The following RNF217 variants were observed in gnomAD, a reference collection of about 807,000 sequenced individuals.
The protein encoded by RNF217 is ring finger protein 217.
A neutral mutation model predicts 57.8 loss-of-function variants in RNF217; 31 were observed. That is an observed-to-expected ratio of 0.54 (90% CI 0.40 to 0.72). The LOEUF (loss-of-function observed/expected upper bound fraction) is 0.72. Among genes scored for constraint, RNF217 ranks in the 30% least tolerant of loss-of-function variants. The pLI is 0.00. For synonymous variants in RNF217, 313 were observed against 294.0 expected (o/e 1.06, Z -0.66); for missense variants, 696 against 708.3 (o/e 0.98, Z 0.20).
intron 1 of RNF217, among the ~76,000 whole-genome samples, chr6:125,043,014 G>A (rs866004761): frequency 5.3e-5 from 8 of 151,866 alleles, no homozygotes; most frequent in Non-Finnish European, 1.2e-4. Context: ...TCTGAAAACT[G>A]CAGTTTTCTA....
In RNF217 at chr6:125,085,349, T is replaced by C. The variant is rs1375258161; in HGVS notation, c.*2412T>C. On this transcript the variant is annotated 3_prime_UTR_variant, in exon 6 of 6. Coordinates refer to ENST00000521654, the MANE Select transcript of RNF217 (RefSeq NM_001286398.3). ...GTTTTTCATTTTTCTATTGAGTAGA[T>C]ATTTTTAAATTAACATACACATTTT... 1 of 151,900 alleles carries C rather than the reference T, an allele frequency of 6.6e-6. No homozygotes were observed. Among genetic ancestry groups the C allele is most frequent in the Non-Finnish European group, 1.5e-5 (1 of 67,838 alleles). The allele number at this position is 151,900 out of a possible 1,614,324, so 9.4% of individuals were successfully genotyped here.
chr6:124,966,082 C>G (rs542150243), intron 1 of RNF217, among the ~76,000 whole-genome samples: 1 of 152,294 alleles, frequency 6.6e-6, no homozygotes, highest in African/African-American at 2.4e-5. Flanking sequence ...AGACAAAAGA[C>G]AAAGGGCTTA....
intron 1 of RNF217, among the ~76,000 whole-genome samples, chr6:125,030,832 A>G (rs1228985415): frequency 6.6e-6 from 1 of 152,040 alleles, no homozygotes; most frequent in Non-Finnish European, 1.5e-5. Context: ...TTGCAGCTCC[A>G]CTAGACGGTG....
intron 1 of RNF217, among the ~76,000 whole-genome samples, chr6:125,002,637 T>C (rs1785031982): frequency 6.6e-6 from 1 of 152,170 alleles, no homozygotes; most frequent in African/African-American, 2.4e-5. Flanking sequence ...AGTGTCACGC[T>C]GGCCCCGTAT....
chr6:125,020,447 G>C (rs1483570845), intron 1 of RNF217, among the ~76,000 whole-genome samples: 1 of 152,196 alleles, frequency 6.6e-6, no homozygotes, highest in Non-Finnish European at 1.5e-5. Context: ...AGTCCGCCTA[G>C]TTTTTACTTC....
At chr6:125,048,559 T>C (rs2114547861) in intron 2 of RNF217, among the ~76,000 whole-genome samples, 1 of 152,216 alleles carries the variant, frequency 6.6e-6, no homozygotes, top group Non-Finnish European at 1.5e-5. Flanking sequence ...TGATTCACAG[T>C]ATCTTCATCC....
At chr6:125,060,142 A>G (rs780308669) in intron 3 of RNF217, among the ~76,000 whole-genome samples, 35 of 152,144 alleles carry the variant, frequency 2.3e-4, no homozygotes, top group Non-Finnish European at 4.6e-4. Flanking sequence ...GTGAATTAAT[A>G]TTTGTTTTAT....
chr6:125,004,482 T>A (rs1785098080), intron 1 of RNF217, among the ~76,000 whole-genome samples: 1 of 152,180 alleles, frequency 6.6e-6, no homozygotes, highest in Admixed American at 6.5e-5. Context: ...ACAGTGAAGA[T>A]CCTAGCCCTG....
rs1421488684 is a variant in RNF217 at position 125,089,977 on chromosome 6, T to G, written c.*7040T>G. On this transcript the variant is annotated 3_prime_UTR_variant, in exon 6 of 6. Transcript: ENST00000521654. Reference sequence around the variant, plus strand: ...CTTTATGTTTCTTTATAATGAAAAGTCTAGATAAAGTATCATAATTTCATT... The same window carrying G: ...CTTTATGTTTCTTTATAATGAAAAGGCTAGATAAAGTATCATAATTTCATT... The G allele has an allele frequency of 6.6e-6, 1 of 152,078 alleles. No homozygotes were observed. The highest frequency in any genetic ancestry group is 1.5e-5 in the Non-Finnish European group (1 of 68,012). The allele number at this position is 152,078 out of a possible 1,614,324, so 9.4% of individuals were successfully genotyped here.
At chr6:125,010,668 A>G (rs1312460839) in intron 1 of RNF217, among the ~76,000 whole-genome samples, 1 of 152,210 alleles carries the variant, frequency 6.6e-6, no homozygotes, top group African/African-American at 2.4e-5. Flanking sequence ...TAAACTACCT[A>G]TTCTACTTAA....
Position 124,962,512 on chromosome 6 carries a change from G to C in RNF217, c.-33G>C. On this transcript the variant is annotated 5_prime_UTR_variant, in exon 1 of 6. Transcript: ENST00000521654. The surrounding 1 kb of genome is among the most constrained non-coding windows in gnomAD (Gnocchi z 4.6). ...CGCCGGGTGGGGGTCCCGGCGGCTG[G>C]ATGGGCAGCGGCGGCGCGGGCCGCG... The C allele has an allele frequency of 9.0e-7, 1 of 1,113,478 alleles. No homozygotes were observed. The highest frequency in any genetic ancestry group is 1.7e-5 in the African/African-American group (1 of 60,540). 69.0% of individuals were successfully genotyped at this position (1,113,478 alleles called of 1,614,324 possible). A position where few individuals can be genotyped will look rare whatever the true frequency, so the allele number is the denominator to read the frequency against.
intron 3 of RNF217, among the ~76,000 whole-genome samples, chr6:125,074,298 T>C (rs1304579795): frequency 1.2e-4 from 2 of 16,458 alleles, no homozygotes; most frequent in Non-Finnish European, 2.9e-4. Flanking sequence ...AGAAGATAGG[T>C]AGATAGATAG....
intron 5 of RNF217, chr6:125,082,371 A>G (rs1788605835): frequency 7.3e-7 from 1 of 1,373,108 alleles, no homozygotes. Flanking sequence ...AGATAGAATT[A>G]TAAAGTATCT....
intron 1 of RNF217, among the ~76,000 whole-genome samples, chr6:125,008,291 C>T (rs577250507): frequency 6.6e-6 from 1 of 152,034 alleles, no homozygotes; most frequent in African/African-American, 2.4e-5. Context: ...TGGTCTCTCT[C>T]AAAATATCTT....
intron 1 of RNF217, among the ~76,000 whole-genome samples, chr6:125,032,606 TA>T (rs1244885472): frequency 1.1e-3 from 167 of 152,234 alleles, no homozygotes; most frequent in African/African-American, 3.9e-3. Context: ...GTATATACTT[TA>T]AAAGTTTCTG....
At chr6:124,986,178 G>A (rs1427780007) in intron 1 of RNF217, among the ~76,000 whole-genome samples, 6 of 152,174 alleles carry the variant, frequency 3.9e-5, no homozygotes, top group Non-Finnish European at 2.9e-5. Flanking sequence ...TAATGCATTT[G>A]TTTTCTCTGC....
At chr6:125,051,388 G>A (rs1047925057) in intron 2 of RNF217, among the ~76,000 whole-genome samples, 2 of 151,372 alleles carry the variant, frequency 1.3e-5, no homozygotes, top group African/African-American at 4.9e-5. Flanking sequence ...CTTATAAAAT[G>A]GTCTGGAAGA....
chr6:124,992,894 C>T (rs143099223), intron 1 of RNF217, among the ~76,000 whole-genome samples: 3 of 152,084 alleles, frequency 2.0e-5, no homozygotes, highest in East Asian at 3.9e-4. Flanking sequence ...TTACCTAAAA[C>T]GATTTATGTC....
intron 2 of RNF217, among the ~76,000 whole-genome samples, chr6:125,051,357 A>G: frequency 6.6e-6 from 1 of 151,854 alleles, no homozygotes; most frequent in South Asian, 2.1e-4. Flanking sequence ...CGTGTGTTAA[A>G]GTAGGCCAAG....
Sources: allele counts gnomAD v4.1 joint callset (sites outside exome capture counted in the v4.1 genomes callset), GRCh38; gene constraint gnomAD v4.1.1; non-coding constraint Gnocchi (gnomAD v3.1); transcripts MANE v1.5; gene names NCBI Gene and HGNC (gene_info 2026-07-23, HGNC 2026-07-21).